Variants in MYO18B observed in about 807,000 individuals in gnomAD.
MYO18B encodes the protein unconventional myosin-XVIIIb.
In MYO18B, 204 loss-of-function variants were observed where a neutral mutation model predicts 273.0. The observed-to-expected ratio is 0.75, with a 90% CI of 0.67 to 0.84. MYO18B has a LOEUF of 0.84. Ranked by LOEUF, MYO18B falls within the 40% of genes least tolerant of loss-of-function variation. The pLI, the probability that MYO18B is intolerant of heterozygous loss-of-function variation, is 0.00. For missense variants in MYO18B, 3,212 were observed against 3,287.6 expected (o/e 0.98, Z 0.56); for synonymous variants, 1,330 against 1,305.7 (o/e 1.02, Z -0.40).
At chr22:26,035,720 T>G (rs925345742), downstream of MYO18B, among the ~76,000 whole-genome samples, 2 of 152,188 alleles carry the variant, frequency 1.3e-5, no homozygotes, top group Admixed American at 1.3e-4. Context: ...AGCCTAACTG[T>G]CAAACCTCTC....
chr22:25,859,719 C>G (rs1419460278), intron 21 of MYO18B, among the ~76,000 whole-genome samples: 1 of 151,446 alleles, frequency 6.6e-6, no homozygotes, highest in Admixed American at 6.6e-5. Flanking sequence ...GGCTGTTTAT[C>G]TTATAGAGTT....
At chr22:25,773,569 T>C (rs547183014) in intron 7 of MYO18B, among the ~76,000 whole-genome samples, 43 of 152,298 alleles carry the variant, frequency 2.8e-4, no homozygotes, top group African/African-American at 9.1e-4. Flanking sequence ...GTTCACGCCA[T>C]TCTCCTGCCT....
In MYO18B at chr22:25,903,759, G is replaced by T; in HGVS notation, c.5076G>T (p.Lys1692Asn). The T allele has an allele frequency of 6.2e-7, 1 of 1,604,970 alleles. No homozygotes were observed. Residue 1692 changes from lysine to asparagine, a missense_variant, in exon 31 of 44, where the codon AAG (lysine) becomes AAT (asparagine). By Grantham distance (94) the Lys-to-Asn change is moderately conservative (BLOSUM62 0). Coordinates refer to ENST00000335473, the MANE Select transcript of MYO18B (RefSeq NM_032608.7). Reference sequence around the variant, plus strand: ...CTGGCTTGAAGGAGAGGCTCTGGAAGTTGGAATCCAGCGCCCTTGAGCAAC... The same window carrying T: ...CTGGCTTGAAGGAGAGGCTCTGGAATTTGGAATCCAGCGCCCTTGAGCAAC... ...CVAGLKERLW[K>N]LESSALEQQK...
intron 1 of MYO18B, among the ~76,000 whole-genome samples, chr22:25,750,920 C>G (rs531251312): frequency 4.7e-4 from 72 of 152,326 alleles, no homozygotes; most frequent in Non-Finnish European, 9.0e-4. Context: ...GTGCCAGGCA[C>G]ACGTGGCAGT....
chr22:25,912,796 G>C (rs1001756932), intron 33 of MYO18B, among the ~76,000 whole-genome samples: 1 of 152,050 alleles, frequency 6.6e-6, no homozygotes, highest in African/African-American at 2.4e-5. Context: ...TCCCTCCCCA[G>C]ATGAAACCAT....
rs559717275 is a variant in MYO18B, at chr22:25,973,376, A to G, written c.6156+18012A>G. 6.2e-4 allele frequency among the ~76,000 whole-genome samples: 94 copies of G among 152,360 alleles called. 1 individual carries two copies. Among genetic ancestry groups the G allele is most frequent in the Admixed American group, 2.6e-3 (40 of 15,308 alleles). On this transcript the variant is annotated intron_variant, in intron 39 of 43. Transcript: ENST00000335473. ...TAGCACCTCTTAGAACCTTCAGACC[A>G]TAGAAATATAGAACACAGAACGTAG...
At chr22:25,762,083 G>A (rs529600008) in intron 2 of MYO18B, among the ~76,000 whole-genome samples, 1 of 151,012 alleles carries the variant, frequency 6.6e-6, no homozygotes, top group Non-Finnish European at 1.5e-5. Flanking sequence ...CAGCCCGAGC[G>A]ACAGTGCGAG....
chr22:25,930,666 G>A (rs1301941346), intron 34 of MYO18B, among the ~76,000 whole-genome samples: 1 of 151,928 alleles, frequency 6.6e-6, no homozygotes, highest in Non-Finnish European at 1.5e-5. Flanking sequence ...TAGAGACAAA[G>A]TTTCTCTGTG....
chr22:25,913,102 T>C (rs906199517), intron 33 of MYO18B, among the ~76,000 whole-genome samples: 2 of 152,270 alleles, frequency 1.3e-5, no homozygotes, highest in East Asian at 3.9e-4. Context: ...CTCCAGGGTA[T>C]GTAGCTGGAA....
At position 25,869,470 on chromosome 22, in the gene MYO18B, AAAAGAAGG is replaced by A. The variant is rs1260238087; in HGVS notation, c.3951+1088_3951+1095del. On this transcript the variant is annotated intron_variant, in intron 22 of 43. Transcript: ENST00000335473. ...GTCTCAAAAAAAAAAAAAAAAAAAA[AAAAGAAGG>A]AAGGAAGGAAGGAAGGAGGGAGGGA... is the stretch of plus-strand genomic sequence containing the variant. Among the ~76,000 whole-genome samples the A allele has an allele frequency of 2.3e-3, 314 of 136,768 alleles. 1 individual carries two copies. The highest frequency in any genetic ancestry group is 8.8e-3 in the African/African-American group (302 of 34,176). 89.7% of individuals were successfully genotyped at this position (136,768 alleles called of 152,430 possible). A position where few individuals can be genotyped will look rare whatever the true frequency, so the allele number is the denominator to read the frequency against.
Position 25,950,398 on chromosome 22 carries a change from T to C in MYO18B, c.5780T>C (p.Leu1927Pro). The part of the protein sequence containing the change: ...SAADIGQIQE[L>P]QLQLEEAKKE... ...GCTGACATTGGGCAGATCCAAGAAC[T>C]GCAGCTGCAGCTGGAGGAAGCCAAG... is the stretch of plus-strand genomic sequence containing the variant. The change falls in exon 37 of 44, where the codon CTG becomes CCG. Residue 1927 changes from leucine to proline, a missense_variant. Physicochemically the swap from Leu to Pro is moderately conservative, Grantham distance 98 (BLOSUM62 -3). Transcript: ENST00000335473. 6.2e-7 allele frequency: 1 copy of C among 1,607,336 alleles called. No individual in the cohort carries two copies. The highest frequency in any genetic ancestry group is 1.1e-5 in the South Asian group (1 of 89,682).
chr22:25,936,767 G>A (rs2092583693), intron 34 of MYO18B, among the ~76,000 whole-genome samples: 1 of 152,176 alleles, frequency 6.6e-6, no homozygotes, highest in African/African-American at 2.4e-5. Flanking sequence ...CTGGCCTACA[G>A]ACAGACAAAT....
At chr22:26,033,492 T>C (rs557909854), downstream of MYO18B, among the ~76,000 whole-genome samples, 2 of 152,236 alleles carry the variant, frequency 1.3e-5, no homozygotes, top group Non-Finnish European at 2.9e-5. Context: ...AATCAGTCAT[T>C]ATTCTTCAAT....
At chr22:25,861,442 CA>C (rs1448111591) in intron 21 of MYO18B, among the ~76,000 whole-genome samples, 1 of 152,144 alleles carries the variant, frequency 6.6e-6, no homozygotes, top group African/African-American at 2.4e-5. Flanking sequence ...AAATTTAAAA[CA>C]AAATTTGTCT....
chr22:25,895,423 ATT>A, intron 28 of MYO18B, 143 bp downstream of exon 28: 1 of 899,622 alleles, frequency 1.1e-6, no homozygotes, highest in East Asian at 2.7e-5. Flanking sequence ...CATCTCCACT[ATT>A]ATTACAAATG....
At chr22:25,802,752 CAA>C (rs1199331535) in intron 12 of MYO18B, among the ~76,000 whole-genome samples, 1 of 21,570 alleles carries the variant, frequency 4.6e-5, no homozygotes, top group African/African-American at 1.1e-4. Flanking sequence ...GACTCTGTCT[CAA>C]AAAAAAAAAA....
intron 33 of MYO18B, among the ~76,000 whole-genome samples, chr22:25,918,168 T>A (rs1435736779): frequency 6.6e-6 from 1 of 152,228 alleles, no homozygotes; most frequent in Non-Finnish European, 1.5e-5. Context: ...GGCAGCCAGT[T>A]CTGCCATTAA....
chr22:25,756,602 C>G (rs1436946513), intron 1 of MYO18B: 2 of 152,264 alleles, frequency 1.3e-5, no homozygotes, highest in Non-Finnish European at 2.9e-5. Context: ...ACAATGGACT[C>G]TCAGAAGATG....
At chr22:25,760,922 G>C in intron 1 of MYO18B, 62 bp from the exon 2 acceptor site, 1 of 718,394 alleles carries the variant, frequency 1.4e-6, no homozygotes, top group Non-Finnish European at 2.4e-6. Flanking sequence ...GGTGGGAGTA[G>C]GGCTGTGCCC....
Sources: gnomAD v4.1 joint callset for allele counts (sites outside exome capture counted in the v4.1 genomes callset) on GRCh38, gnomAD v4.1.1 for gene constraint, MANE v1.5 for transcripts, NCBI Gene and HGNC (gene_info 2026-07-23, HGNC 2026-07-21) for gene names.